DLG2: variants seen among roughly 807,000 people sequenced by gnomAD.
DLG2 encodes the protein disks large homolog 2.
Under a neutral mutation model 132.5 loss-of-function variants are expected in DLG2, and 45 were observed. The ratio of observed to expected loss-of-function variants is 0.34; its 90% CI spans 0.27 to 0.44. The LOEUF is 0.44. Ranked by LOEUF, DLG2 falls within the 20% of genes least tolerant of loss-of-function variation. The probability of loss-of-function intolerance (pLI) is 1.00; values close to 1 mark genes in which losing one functional copy is unlikely to be tolerated. For missense variants in DLG2, 1,045 were observed against 1,196.9 expected, an observed-to-expected ratio of 0.87 and a Z score of 1.87; for synonymous variants, 424 against 419.6, an observed-to-expected ratio of 1.01 and a Z score of -0.13.
intron 6 of DLG2, among the ~76,000 whole-genome samples, chr11:84,885,627 G>A (rs2088139788): frequency 6.6e-6 from 1 of 152,084 alleles, no homozygotes; most frequent in South Asian, 2.1e-4. Flanking sequence ...TAAAGCTTCA[G>A]TTTTCATACC....
intron 6 of DLG2, among the ~76,000 whole-genome samples, chr11:84,644,758 C>A (rs899167505): frequency 2.0e-5 from 3 of 149,864 alleles, no homozygotes; most frequent in African/African-American, 7.3e-5. Flanking sequence ...TTTAAGCAGA[C>A]CAAGAAAAGA....
chr11:85,104,872 C>CAAAAAAAAA (rs56043190), intron 6 of DLG2, among the ~76,000 whole-genome samples: 3 of 56,044 alleles, frequency 5.4e-5, no homozygotes, highest in African/African-American at 2.1e-4. Flanking sequence ...GGCTGAATGG[C>CAAAAAAAAA]AAAAAAAAAA....
At chr11:85,507,745 T>A (rs898984925) in intron 3 of DLG2, among the ~76,000 whole-genome samples, 1 of 152,202 alleles carries the variant, frequency 6.6e-6, no homozygotes, top group Admixed American at 6.6e-5. Flanking sequence ...TGAATTTGAA[T>A]GTTGGACTTC....
At chr11:83,503,420 T>TATATAGATAG (rs1555118627) in intron 21 of DLG2, among the ~76,000 whole-genome samples, 10 of 78,340 alleles carry the variant, frequency 1.3e-4, no homozygotes, top group Non-Finnish European at 2.5e-4. Flanking sequence ...TATATATATA[T>TATATAGATAG]ATAGATAGAT....
At chr11:84,305,340 T>C (rs1034877860) in intron 7 of DLG2, among the ~76,000 whole-genome samples, 2 of 152,068 alleles carry the variant, frequency 1.3e-5, no homozygotes, top group Non-Finnish European at 2.9e-5. Context: ...TTACAAAGGG[T>C]ACAGGAAAAT....
chr11:84,044,988 C>G (rs1235616750), intron 11 of DLG2, among the ~76,000 whole-genome samples: 1 of 151,684 alleles, frequency 6.6e-6, no homozygotes, highest in Non-Finnish European at 1.5e-5. Context: ...TCTTTTGTCA[C>G]TGTAGGCAAA....
At chr11:83,802,443 C>T (rs1013875242) in intron 17 of DLG2, among the ~76,000 whole-genome samples, 4 of 152,074 alleles carry the variant, frequency 2.6e-5, no homozygotes, top group African/African-American at 9.7e-5. Context: ...GATCCTTTCT[C>T]TGGTGGATGG....
At chr11:85,465,142 A>G (rs1037246874) in intron 3 of DLG2, among the ~76,000 whole-genome samples, 3 of 130,316 alleles carry the variant, frequency 2.3e-5, no homozygotes, top group African/African-American at 5.8e-5. Context: ...AGTCAACAAT[A>G]TAAGATTTTT....
At chr11:84,368,800 T>C (rs2098694453) in intron 7 of DLG2, among the ~76,000 whole-genome samples, 1 of 152,166 alleles carries the variant, frequency 6.6e-6, no homozygotes, top group South Asian at 2.1e-4. Flanking sequence ...ATAAATATTG[T>C]GTTAATTTTT....
intron 6 of DLG2, among the ~76,000 whole-genome samples, chr11:85,060,179 C>G (rs593800): frequency 0.67 from 101,143 of 151,216 alleles, 34,821 homozygotes; most frequent in East Asian, 0.95. Flanking sequence ...CTTCACATAA[C>G]TGGAATTATG....
intron 21 of DLG2, among the ~76,000 whole-genome samples, chr11:83,527,755 A>T (rs1182296728): frequency 6.6e-6 from 1 of 152,162 alleles, no homozygotes; most frequent in Non-Finnish European, 1.5e-5. Context: ...TATAGTAAGG[A>T]TACTGATAGC....
intron 7 of DLG2, among the ~76,000 whole-genome samples, chr11:84,261,497 C>G (rs1174912872): frequency 6.6e-6 from 1 of 152,146 alleles, no homozygotes; most frequent in Non-Finnish European, 1.5e-5. Flanking sequence ...TTTTAAAGCA[C>G]TCATTATTTG....
intron 3 of DLG2, among the ~76,000 whole-genome samples, chr11:85,564,227 A>G (rs1439209181): frequency 6.6e-6 from 1 of 151,750 alleles, no homozygotes; most frequent in African/African-American, 2.4e-5. Flanking sequence ...CATTTTCTTG[A>G]TGGTGTCTTT....
At chr11:84,380,743 T>C (rs917147183) in intron 7 of DLG2, among the ~76,000 whole-genome samples, 1 of 151,644 alleles carries the variant, frequency 6.6e-6, no homozygotes, top group Non-Finnish European at 1.5e-5. Flanking sequence ...AAGTAGAAAA[T>C]AAATACAATA....
chr11:85,110,649 C>T (rs1441095888), intron 6 of DLG2, among the ~76,000 whole-genome samples: 2 of 152,042 alleles, frequency 1.3e-5, no homozygotes, highest in African/African-American at 4.8e-5. Context: ...CACAGATAAA[C>T]AAAAACTGAG....
intron 17 of DLG2, among the ~76,000 whole-genome samples, chr11:83,826,958 T>A (rs2052999295): frequency 6.6e-6 from 1 of 152,130 alleles, no homozygotes; most frequent in African/African-American, 2.4e-5. Flanking sequence ...AGATCCTCTT[T>A]AGTATTTCAG....
chr11:84,040,463 T>C (rs1002348443), intron 11 of DLG2, among the ~76,000 whole-genome samples: 26 of 150,990 alleles, frequency 1.7e-4, no homozygotes, highest in Non-Finnish European at 3.0e-4. Flanking sequence ...CCCGGCACCA[T>C]TTATTAAATA....
intron 6 of DLG2, among the ~76,000 whole-genome samples, chr11:84,576,336 AGAAT>A (rs1179639493): frequency 6.6e-6 from 1 of 152,206 alleles, no homozygotes; most frequent in Non-Finnish European, 1.5e-5. Flanking sequence ...TTCTCTATAA[AGAAT>A]GAATGAATTA....
chr11:84,074,258 TCA>T (rs2096794166), intron 10 of DLG2, among the ~76,000 whole-genome samples: 1 of 152,118 alleles, frequency 6.6e-6, no homozygotes, highest in Non-Finnish European at 1.5e-5. Context: ...CATCATACAT[TCA>T]GTTTTTTTGT....
Sources: allele counts gnomAD v4.1 joint callset (sites outside exome capture counted in the v4.1 genomes callset), GRCh38; gene constraint gnomAD v4.1.1; transcripts MANE v1.5; gene names NCBI Gene and HGNC (gene_info 2026-07-23, HGNC 2026-07-21).